Variants in TRHDE observed in about 807,000 individuals in gnomAD.
TRHDE encodes thyrotropin-releasing hormone-degrading ectoenzyme.
In TRHDE, 72 loss-of-function variants were observed where a neutral mutation model predicts 125.7. The ratio of observed to expected loss-of-function variants is 0.57; its 90% CI spans 0.47 to 0.70. The LOEUF is 0.70. TRHDE is among the 30% of genes least tolerant of loss of function. The pLI, the probability that TRHDE is intolerant of heterozygous loss-of-function variation, is 0.00. For synonymous variants in TRHDE, 509 were observed against 509.1 expected (o/e 1.00, Z 0.00); for missense variants, 1,110 against 1,327.1 (o/e 0.84, Z 2.54).
chr12:72,213,038 A>T (rs1038156048), intron 2 of TRHDE, among the ~76,000 whole-genome samples: 1 of 152,188 alleles, frequency 6.6e-6, no homozygotes, highest in African/African-American at 2.4e-5. Flanking sequence ...TACAATATAG[A>T]TAAACCTTTT....
At chr12:72,511,161 G>A (rs556105594) in intron 6 of TRHDE, among the ~76,000 whole-genome samples, 37 of 152,174 alleles carry the variant, frequency 2.4e-4, no homozygotes, top group Admixed American at 7.2e-4. Flanking sequence ...AATTTAAAAT[G>A]TGCTCCCAAA....
At chr12:72,281,117 A>C (rs1879681495) in intron 1 of TRHDE, among the ~76,000 whole-genome samples, 1 of 152,142 alleles carries the variant, frequency 6.6e-6, no homozygotes, top group Non-Finnish European at 1.5e-5. Context: ...TTATTCACAT[A>C]TGCACCACTT....
chr12:72,287,086 T>TG (rs1158667762), intron 2 of TRHDE, 132 bp downstream of exon 2: 23 of 992,846 alleles, frequency 2.3e-5, no homozygotes, highest in Middle Eastern at 3.1e-4. Flanking sequence ...TTAATTCTTA[T>TG]GGGGGGGTTT....
intron 5 of TRHDE, among the ~76,000 whole-genome samples, chr12:72,473,429 A>T (rs958516658): frequency 6.6e-6 from 1 of 152,182 alleles, no homozygotes; most frequent in African/African-American, 2.4e-5. Context: ...AATATTTTCA[A>T]TTGTAGTATT....
chr12:72,156,493 G>A (rs1440166963), intron 2 of TRHDE, among the ~76,000 whole-genome samples: 1 of 152,148 alleles, frequency 6.6e-6, no homozygotes, highest in South Asian at 2.1e-4. Flanking sequence ...CACTCATGCT[G>A]GGAGCTGTAG....
chr12:72,359,642 G>C (rs1053473418), intron 2 of TRHDE, among the ~76,000 whole-genome samples: 2 of 151,610 alleles, frequency 1.3e-5, no homozygotes, highest in African/African-American at 4.8e-5. Context: ...TAGAAGTGGG[G>C]CAAAGACTGA....
intron 1 of TRHDE, among the ~76,000 whole-genome samples, chr12:72,088,699 A>G (rs1874723016): frequency 2.0e-5 from 3 of 151,946 alleles, no homozygotes; most frequent in Admixed American, 2.0e-4. Context: ...TGTTCTTCTC[A>G]CATCTCTCAT....
At chr12:72,302,050 C>T (rs549791595) in intron 2 of TRHDE, among the ~76,000 whole-genome samples, 105 of 152,104 alleles carry the variant, frequency 6.9e-4, no homozygotes, top group Admixed American at 1.7e-3. Flanking sequence ...TGACTTATAA[C>T]CTAATTATTA....
intron 12 of TRHDE, among the ~76,000 whole-genome samples, chr12:72,592,197 A>G (rs1214903): frequency 0.97 from 147,452 of 152,214 alleles, 71,440 homozygotes; most frequent in East Asian, 1. Context: ...ATCTCTTTCC[A>G]AATTTACCTT....
At chr12:72,326,842 C>A (rs137971534) in intron 2 of TRHDE, among the ~76,000 whole-genome samples, 1 of 152,054 alleles carries the variant, frequency 6.6e-6, no homozygotes, top group Admixed American at 6.6e-5. Flanking sequence ...TGCTACATTG[C>A]CCTTACTTTT....
chr12:72,462,392 T>C (rs1055442911), intron 3 of TRHDE, among the ~76,000 whole-genome samples: 1 of 152,120 alleles, frequency 6.6e-6, no homozygotes, highest in Non-Finnish European at 1.5e-5. Flanking sequence ...GCCGCAGAGC[T>C]CTTTACATGG....
At chr12:72,585,276 A>T (rs1369112153) in intron 12 of TRHDE, among the ~76,000 whole-genome samples, 6 of 152,086 alleles carry the variant, frequency 3.9e-5, no homozygotes, top group African/African-American at 1.4e-4. Context: ...TTAAACACTA[A>T]TCTAAGTCTG....
intron 15 of TRHDE, among the ~76,000 whole-genome samples, chr12:72,640,286 C>T (rs1209855449): frequency 1.3e-5 from 2 of 152,210 alleles, no homozygotes; most frequent in African/African-American, 2.4e-5. Flanking sequence ...GTCTGTCACC[C>T]CTTTCTTTGA....
intron 7 of TRHDE, among the ~76,000 whole-genome samples, chr12:72,561,817 C>A (rs937043051): frequency 6.6e-6 from 1 of 151,940 alleles, no homozygotes; most frequent in South Asian, 2.1e-4. Context: ...AACGCAAAAG[C>A]CTGATGGGAA....
At chr12:72,511,835 T>A (rs1461166685) in intron 6 of TRHDE, among the ~76,000 whole-genome samples, 1 of 152,194 alleles carries the variant, frequency 6.6e-6, no homozygotes, top group Non-Finnish European at 1.5e-5. Flanking sequence ...ATCTCTGATT[T>A]GGCATTTACT....
chr12:72,557,162 A>G (rs1172996192), intron 7 of TRHDE, among the ~76,000 whole-genome samples: 1 of 152,174 alleles, frequency 6.6e-6, no homozygotes, highest in Non-Finnish European at 1.5e-5. Context: ...CAGATGACAA[A>G]TGTGGGAAAT....
chr12:72,652,418 C>T lies in TRHDE; in HGVS notation c.2772C>T (p.Thr924=). 1.9e-6 allele frequency: 3 copies of T among 1,607,838 alleles called. No homozygotes were observed. The highest frequency in any genetic ancestry group is 2.5e-6 in the Non-Finnish European group (3 of 1,176,634). The change falls in exon 16 of 19, where the codon ACC becomes ACT. Residue 924 remains threonine, a synonymous_variant. Coordinates refer to ENST00000261180, the MANE Select transcript of TRHDE (RefSeq NM_013381.3). ...WEFIWMKFHS[T]TAVSEKKILL... ...TCATATGGATGAAATTCCATTCCAC[C>T]ACAGCAGTTTCTGAGAAGAAAATAT... is the stretch of plus-strand genomic sequence containing the variant.
chr12:72,460,852 A>T (rs1876095924), intron 3 of TRHDE, among the ~76,000 whole-genome samples: 1 of 152,250 alleles, frequency 6.6e-6, no homozygotes, highest in South Asian at 2.1e-4. Context: ...TAAAAATTAA[A>T]GGGGTGAGAA....
At chr12:72,596,778 G>A (rs1027156397) in intron 12 of TRHDE, among the ~76,000 whole-genome samples, 1 of 152,080 alleles carries the variant, frequency 6.6e-6, no homozygotes, top group African/African-American at 2.4e-5. Context: ...AGTATTTCAG[G>A]ATGATTTTCA....
Sources: allele counts gnomAD v4.1 joint callset (sites outside exome capture counted in the v4.1 genomes callset), GRCh38; gene constraint gnomAD v4.1.1; transcripts MANE v1.5; gene names NCBI Gene and HGNC (gene_info 2026-07-23, HGNC 2026-07-21).